WDR33: variants seen among roughly 807,000 people sequenced by gnomAD.
The protein encoded by WDR33 is WD repeat domain 33.
Under a neutral mutation model 164.9 loss-of-function variants are expected in WDR33, and 47 were observed. The observed-to-expected ratio is 0.29, with a 90% confidence interval of 0.23 to 0.36. The LOEUF is 0.36. Ranked by LOEUF, WDR33 falls within the 10% of genes least tolerant of loss-of-function variation. The pLI is 1.00. For synonymous variants in WDR33, 505 were observed against 589.0 expected (o/e 0.86, Z 2.06); for missense variants, 1,137 against 1,754.1 (o/e 0.65, Z 6.28).
chr2:127,806,210 C>CT (rs200197402), intron 1 of WDR33, among the ~76,000 whole-genome samples: 4,275 of 132,858 alleles, frequency 0.032, 200 homozygotes, highest in African/African-American at 0.097. Context: ...TTTTCTTTTT[C>CT]TTTTTTTTTT....
At chr2:127,749,804 A>G (rs534028716) in intron 7 of WDR33, among the ~76,000 whole-genome samples, 126 of 151,682 alleles carry the variant, frequency 8.3e-4, no homozygotes, top group Non-Finnish European at 1.4e-3. Context: ...ACTCTCCATC[A>G]TACTGAGTCT....
At position 127,720,088 on chromosome 2, in the gene WDR33, C is replaced by A; in HGVS notation, c.1937G>T (p.Gly646Val). 6.2e-7 allele frequency: 1 copy of A among 1,614,186 alleles called. No individual in the cohort carries two copies. Among genetic ancestry groups the A allele is most frequent in the Non-Finnish European group, 8.5e-7 (1 of 1,180,024 alleles). Residue 646 changes from glycine (G) to valine (V), a missense_variant, in exon 16 of 22, where the codon GGT becomes GTT. Transcript: ENST00000322313. This position sits in a 1 kb window ranked among gnomAD's most constrained non-coding sequence, Gnocchi z 5.9. ...TCCCATGAATCCTTGTGGCCCCCCACCTCCCTGATGCAGTGGAGGACCTTG... is the reference window on the plus strand; with the variant it reads ...TCCCATGAATCCTTGTGGCCCCCCAACTCCCTGATGCAGTGGAGGACCTTG... ...GPQGPPLHQGGGGPQGFMGPQ... is the reference protein window; with the variant it reads ...GPQGPPLHQGVGGPQGFMGPQ...
At chr2:127,753,677 T>C (rs968018121) in intron 7 of WDR33, among the ~76,000 whole-genome samples, 6 of 152,130 alleles carry the variant, frequency 3.9e-5, no homozygotes, top group African/African-American at 9.7e-5. Context: ...AGCAGGAGAC[T>C]AGCAGAAGAA....
chr2:127,739,166 T>G (rs1686945436), intron 7 of WDR33, among the ~76,000 whole-genome samples: 1 of 152,214 alleles, frequency 6.6e-6, no homozygotes, highest in African/African-American at 2.4e-5. Flanking sequence ...TTTTTCTTTA[T>G]TGAATGAATG....
chr2:127,745,838 G>C (rs1462285248), intron 7 of WDR33, among the ~76,000 whole-genome samples: 1 of 151,974 alleles, frequency 6.6e-6, no homozygotes, highest in Non-Finnish European at 1.5e-5. Flanking sequence ...TCGTTCTCCA[G>C]AAAGATTCAA....
intron 1 of WDR33, among the ~76,000 whole-genome samples, chr2:127,808,203 G>C (rs192805461): frequency 5.6e-4 from 85 of 152,196 alleles, no homozygotes; most frequent in Non-Finnish European, 6.9e-4. Flanking sequence ...AACATTTAAA[G>C]AATGCCTACT....
chr2:127,793,602 A>C (rs141211804), intron 1 of WDR33, among the ~76,000 whole-genome samples: 2 of 152,204 alleles, frequency 1.3e-5, no homozygotes, highest in East Asian at 1.9e-4. Context: ...TTAGCCGGGC[A>C]TGGTGGCAGG....
Position 127,770,765 on chromosome 2 carries a change from A to T in WDR33, c.204+13T>A. The stretch of plus-strand genomic sequence containing the variant: ...CAAAGTTTGGTCATCTGAAGCACAT[A>T]AATCAGGCTTACCTCCAAATACTTA... On this transcript the variant is annotated intron_variant, in intron 2 of 21. Coordinates refer to ENST00000322313, the MANE Select transcript of WDR33 (RefSeq NM_018383.5). The surrounding 1 kb of genome is among the most constrained non-coding windows in gnomAD (Gnocchi z 4.9). The T allele has an allele frequency of 6.3e-7, 1 of 1,589,426 alleles. No individual in the cohort carries two copies. The highest frequency in any genetic ancestry group is 2.3e-5 in the East Asian group (1 of 44,006).
In WDR33 at chr2:127,721,898, T is replaced by C. The variant is rs758645949; in HGVS notation, c.1609A>G (p.Thr537Ala). 1 of 1,614,030 alleles carries C rather than the reference T, an allele frequency of 6.2e-7. No individual in the cohort carries two copies. Among genetic ancestry groups the C allele is most frequent in the South Asian group, 1.1e-5 (1 of 91,070 alleles). The change falls in exon 15 of 22, where the codon ACA (threonine) becomes GCA (alanine). Residue 537 changes from threonine (T) to alanine (A), a missense_variant. Physicochemically the swap from Thr to Ala is moderately conservative, Grantham distance 58. Transcript: ENST00000322313. The surrounding 1 kb of genome is among the most constrained non-coding windows in gnomAD (Gnocchi z 4.9). Reference sequence around the variant, plus strand: ...ATTTCTTGCTCAATTTCTGCTTGTGTTTTTTTCTTCTCTTCCAATTTAATG... The same window carrying C: ...ATTTCTTGCTCAATTTCTGCTTGTGCTTTTTTCTTCTCTTCCAATTTAATG... ...EDIKLEEKKK[T>A]QAEIEQEMAT...
At chr2:127,732,578 T>C (rs1488224114) in intron 7 of WDR33, among the ~76,000 whole-genome samples, 3 of 152,222 alleles carry the variant, frequency 2.0e-5, no homozygotes. Context: ...CTTTGTTTAA[T>C]GGCAACTACT....
At chr2:127,778,504 C>A (rs992951257) in intron 1 of WDR33, among the ~76,000 whole-genome samples, 5 of 151,576 alleles carry the variant, frequency 3.3e-5, no homozygotes, top group African/African-American at 7.3e-5. Context: ...TGACTACCTG[C>A]CAGACAATGA....
intron 1 of WDR33, among the ~76,000 whole-genome samples, chr2:127,809,560 C>A (rs190237021): frequency 3.2e-4 from 49 of 151,606 alleles, no homozygotes; most frequent in African/African-American, 1.1e-3. Flanking sequence ...CTCAGCCTCC[C>A]GAGTAGCTGG....
chr2:127,711,040 G>C (rs1333357770), intron 18 of WDR33, among the ~76,000 whole-genome samples: 1 of 152,172 alleles, frequency 6.6e-6, no homozygotes, highest in Non-Finnish European at 1.5e-5. Flanking sequence ...CTAAGAACAA[G>C]AACTTTCTCC....
chr2:127,748,635 G>A (rs1051867960), intron 7 of WDR33, among the ~76,000 whole-genome samples: 2 of 152,106 alleles, frequency 1.3e-5, no homozygotes, highest in Non-Finnish European at 2.9e-5. Flanking sequence ...TTCAATTGGC[G>A]GCAGCACATC....
intron 1 of WDR33, among the ~76,000 whole-genome samples, chr2:127,802,413 C>G (rs1279536448): frequency 6.6e-6 from 1 of 152,060 alleles, no homozygotes; most frequent in Admixed American, 6.6e-5. Context: ...TTCAGAGTAG[C>G]TGGGATTACA....
chr2:127,730,730 A>G (rs1686681036), intron 7 of WDR33, among the ~76,000 whole-genome samples: 1 of 152,240 alleles, frequency 6.6e-6, no homozygotes, highest in Admixed American at 6.5e-5. Context: ...ATACTTGTAC[A>G]TTTTGATATG....
rs976292094 is a variant in WDR33, at chr2:127,701,529, A to G, written c.*4794T>C. On this transcript the variant is annotated 3_prime_UTR_variant, in exon 22 of 22. Coordinates refer to ENST00000322313, the MANE Select transcript of WDR33 (RefSeq NM_018383.5). ...CCTTTCTGCCACCGCCTTGTCCAAG[A>G]TGGCGGACCTCCACCGCCAGCTGCA... The G allele has an allele frequency of 1.5e-6, 2 of 1,328,682 alleles. No homozygotes were observed. Among genetic ancestry groups the G allele is most frequent in the South Asian group, 2.1e-5 (1 of 48,014 alleles). 82.3% of individuals were successfully genotyped at this position (1,328,682 alleles called of 1,614,324 possible). A position where few individuals can be genotyped will look rare whatever the true frequency, so the allele number is the denominator to read the frequency against.
At position 127,763,417 on chromosome 2, in the gene WDR33, T is replaced by C; in HGVS notation, c.627-258A>G. Reference sequence around the variant, plus strand: ...AAGTGTGTATTATTAGTGCTAATGCTATCCATGTTCCTTCTCTATTTTCTA... The same window carrying C: ...AAGTGTGTATTATTAGTGCTAATGCCATCCATGTTCCTTCTCTATTTTCTA... On this transcript the variant is annotated intron_variant, in intron 6 of 21. Coordinates refer to ENST00000322313, the MANE Select transcript of WDR33 (RefSeq NM_018383.5). This position sits in a 1 kb window ranked among gnomAD's most constrained non-coding sequence, Gnocchi z 4.5. 8.1e-7 allele frequency: 1 copy of C among 1,234,188 alleles called. No individual in the cohort carries two copies. The highest frequency in any genetic ancestry group is 1.0e-6 in the Non-Finnish European group (1 of 981,256). 76.5% of individuals were successfully genotyped at this position (1,234,188 alleles called of 1,614,324 possible).
At position 127,713,625 on chromosome 2, in the gene WDR33, C is replaced by G. The variant is rs754393530; in HGVS notation, c.3266G>C (p.Arg1089Pro). The G allele has an allele frequency of 2.5e-6, 4 of 1,614,132 alleles. No homozygotes were observed. The highest frequency in any genetic ancestry group is 3.3e-5 in the Admixed American group (2 of 60,014). The change falls in exon 18 of 22, where the codon CGG (arginine) becomes CCG (proline). Residue 1089 changes from arginine to proline, a missense_variant. Transcript: ENST00000322313. The surrounding 1 kb of genome is among the most constrained non-coding windows in gnomAD (Gnocchi z 6.2). ...TCGAAAACGTGGGTCCTCGGGATCC[C>G]GGGGGAAACGTTCATCTCCGGGCCT... ...GRRPGDERFP[R>P]DPEDPRFRGR...
Sources: gnomAD v4.1 joint callset for allele counts (sites outside exome capture counted in the v4.1 genomes callset) on GRCh38, gnomAD v4.1.1 for gene constraint, Gnocchi (gnomAD v3.1) non-coding constraint, MANE v1.5 for transcripts, NCBI Gene and HGNC (gene_info 2026-07-23, HGNC 2026-07-21) for gene names.